The following ABCC1 variants were observed in gnomAD, a reference collection of about 807,000 sequenced individuals.
ABCC1 encodes the protein multidrug resistance-associated protein 1.
In ABCC1, 83 loss-of-function variants were observed where a neutral mutation model predicts 172.9. The observed-to-expected ratio is 0.48, with a 90% CI of 0.40 to 0.58. ABCC1 has a LOEUF of 0.58. Among genes scored for constraint, ABCC1 ranks in the 20% least tolerant of loss-of-function variants. ABCC1 has a pLI of 0.00. For missense variants in ABCC1, 1,817 were observed against 2,002.7 expected, an observed-to-expected ratio of 0.91 and a Z score of 1.77; for synonymous variants, 937 against 825.2, an observed-to-expected ratio of 1.14 and a Z score of -2.32.
chr16:16,106,600 A>G (rs1481291511), intron 20 of ABCC1, 138 bp from the exon 21 acceptor site: 1 of 941,382 alleles, frequency 1.1e-6, no homozygotes, highest in African/African-American at 1.7e-5. Context: ...ATTCATATAT[A>G]TGTTTACATG....
chr16:16,045,836 G>T lies in ABCC1; in HGVS notation c.1041G>T (p.Lys347Asn), dbSNP rs1220337650. ...LMMFSGPQILKLLIKFVNDTK... is the reference protein window; with the variant it reads ...LMMFSGPQILNLLIKFVNDTK... The stretch of plus-strand genomic sequence containing the variant: ...AGGCCCTCTCTTTGCTCCTTTGCAG[G>T]TTGCTCATCAAGTTCGTGAATGACA... Residue 347 changes from lysine (K) to asparagine (N), a missense_variant and splice_region_variant, in exon 9 of 31, where the codon AAG becomes AAT. By Grantham distance (94) the Lys-to-Asn change is moderately conservative (BLOSUM62 0). Coordinates refer to ENST00000399410, the MANE Select transcript of ABCC1 (RefSeq NM_004996.4). 6.2e-7 allele frequency: 1 copy of T among 1,613,982 alleles called. No individual in the cohort carries two copies. Among genetic ancestry groups the T allele is most frequent in the South Asian group, 1.1e-5 (1 of 91,010 alleles).
intron 1 of ABCC1, among the ~76,000 whole-genome samples, chr16:16,002,823 A>G (rs1300464298): frequency 1.3e-5 from 2 of 152,054 alleles, no homozygotes; most frequent in African/African-American, 4.8e-5. Flanking sequence ...AAAAAAAAGC[A>G]AGGTATAGAA....
chr16:16,019,885 G>A (rs2048135437), intron 5 of ABCC1, among the ~76,000 whole-genome samples: 1 of 152,032 alleles, frequency 6.6e-6, no homozygotes, highest in Non-Finnish European at 1.5e-5. Context: ...CCCCCAGCTC[G>A]GCTCCTCCTG....
Position 16,007,973 on chromosome 16 carries a change from C to T in ABCC1, c.206C>T (p.Pro69Leu), listed in dbSNP as rs1402972459. The T allele has an allele frequency of 2.5e-6, 4 of 1,590,498 alleles. No individual in the cohort carries two copies. Among genetic ancestry groups the T allele is most frequent in the Non-Finnish European group, 3.4e-6 (4 of 1,169,662 alleles). ...RHDRGYIQMT[P>L]LNKTKTALGF... The stretch of plus-strand genomic sequence containing the variant: ...GACCGAGGCTACATTCAGATGACAC[C>T]TCTCAACAAAACCAAAACTGTAAGT... The change falls in exon 2 of 31, where the codon CCT (proline) becomes CTT (leucine). Residue 69 changes from proline to leucine, a missense_variant. By Grantham distance (98) the Pro-to-Leu change is moderately conservative. Coordinates refer to ENST00000399410, the MANE Select transcript of ABCC1 (RefSeq NM_004996.4).
Position 16,117,536 on chromosome 16 carries a change from A to C in ABCC1, c.3390+2460A>C, listed in dbSNP as rs1181018780. ...ACATCTAATTGTCCAGAACTTAGTCATGGGACCACCTCTATTCACAAGGGA... is the reference window on the plus strand; with the variant it reads ...ACATCTAATTGTCCAGAACTTAGTCCTGGGACCACCTCTATTCACAAGGGA... On this transcript the variant is annotated intron_variant, in intron 23 of 30. Transcript: ENST00000399410. Among the ~76,000 whole-genome samples, 4 of 152,316 alleles carry C rather than the reference A, an allele frequency of 2.6e-5. No homozygotes were observed. The East Asian group carries it at 5.8e-4, about 22-fold the overall frequency.
Position 16,014,779 on chromosome 16 carries a change from C to T in ABCC1, c.489+151C>T, listed in dbSNP as rs964002841. ...AGCTTCTCCCTTGGTGACTTTCCTACCCCACCAAATCCTCACTAAATCAGC... is the reference window on the plus strand; with the variant it reads ...AGCTTCTCCCTTGGTGACTTTCCTATCCCACCAAATCCTCACTAAATCAGC... On this transcript the variant is annotated intron_variant, in intron 4 of 30. Transcript: ENST00000399410. 5.6e-6 allele frequency: 5 copies of T among 889,846 alleles called. No individual in the cohort carries two copies. The Admixed American group carries it at 1.4e-4, about 24-fold the overall frequency. The allele number at this position is 889,846 out of a possible 1,614,324, so 55.1% of individuals were successfully genotyped here. A position where few individuals can be genotyped will look rare whatever the true frequency, so the allele number is the denominator to read the frequency against.
intron 16 of ABCC1, among the ~76,000 whole-genome samples, chr16:16,082,555 T>G (rs1288571059): frequency 5.3e-5 from 3 of 57,096 alleles, no homozygotes; most frequent in Non-Finnish European, 1.3e-4. Context: ...AATAAGCCTT[T>G]GAAATGGATG....
chr16:16,126,106 T>G (rs1221990804), intron 26 of ABCC1, among the ~76,000 whole-genome samples, 195 bp downstream of exon 26: 1 of 152,198 alleles, frequency 6.6e-6, no homozygotes, highest in Non-Finnish European at 1.5e-5. Context: ...GTTTACCGGC[T>G]TTACCCAAGA....
At chr16:16,103,256 C>T (rs1463154311) in intron 20 of ABCC1, among the ~76,000 whole-genome samples, 2 of 152,032 alleles carry the variant, frequency 1.3e-5, no homozygotes, top group Non-Finnish European at 2.9e-5. Context: ...ATAGCGTATG[C>T]AGTATATTAA....
chr16:16,052,663 T>C, intron 10 of ABCC1, 61 bp from the exon 11 acceptor site: 2 of 1,537,346 alleles, frequency 1.3e-6, no homozygotes, highest in South Asian at 1.1e-5. Flanking sequence ...CCGGGGAAGC[T>C]GTTACGGGCC....
chr16:15,961,990 T>A (rs993765160), intron 1 of ABCC1, among the ~76,000 whole-genome samples: 2 of 152,206 alleles, frequency 1.3e-5, no homozygotes, highest in Admixed American at 6.5e-5. Flanking sequence ...GTTGACAGTA[T>A]GTGCATTTTG....
At chr16:16,121,147 T>TA (rs542942751) in intron 23 of ABCC1, among the ~76,000 whole-genome samples, 17 of 152,220 alleles carry the variant, frequency 1.1e-4, no homozygotes, top group Non-Finnish European at 2.4e-4. Context: ...CTGTAACTCT[T>TA]ACATGTCACC....
chr16:16,069,691 T>C (rs2050258776), intron 13 of ABCC1, among the ~76,000 whole-genome samples: 2 of 151,252 alleles, frequency 1.3e-5, no homozygotes, highest in South Asian at 4.2e-4. Context: ...AGAAGTAGAA[T>C]AGCTTAAAGT....
chr16:15,951,439 A>C (rs1189694136), intron 1 of ABCC1, among the ~76,000 whole-genome samples: 1 of 151,462 alleles, frequency 6.6e-6, no homozygotes, highest in African/African-American at 2.4e-5. Context: ...TTCGTTAAGG[A>C]CTTTCTGCCA....
At chr16:16,098,765 C>T (rs2051593608) in intron 19 of ABCC1, 1 of 1,040,542 alleles carries the variant, frequency 9.6e-7, no homozygotes, top group African/African-American at 1.6e-5. Context: ...ATTCTTGCCT[C>T]TCCCCCTTTA....
chr16:15,964,426 C>T (rs1287236864), intron 1 of ABCC1, among the ~76,000 whole-genome samples: 4 of 152,094 alleles, frequency 2.6e-5, no homozygotes, highest in African/African-American at 9.7e-5. Context: ...ATGGGGGAAC[C>T]GTCCCCATGA....
intron 1 of ABCC1, among the ~76,000 whole-genome samples, chr16:15,997,916 C>A (rs552210772): frequency 6.8e-6 from 1 of 146,288 alleles, no homozygotes; most frequent in Admixed American, 7.1e-5. Context: ...TGGGTTTAAG[C>A]GATTCTTGTG....
chr16:16,111,350 C>G (rs1200445214), intron 21 of ABCC1, 25 bp from the exon 22 acceptor site: 15 of 1,609,044 alleles, frequency 9.3e-6, no homozygotes, highest in Admixed American at 1.7e-5. Flanking sequence ...ATGTGCTAAG[C>G]TGCCTTATCT....
chr16:16,053,774 CAAAAAAAAAAAAAAAAAAAA>C (rs10526186), intron 11 of ABCC1, among the ~76,000 whole-genome samples: 27 of 36,220 alleles, frequency 7.5e-4, no homozygotes, highest in South Asian at 3.3e-3. Context: ...GACCCTGTCT[CAAAAAAAAAAAAAAAAAAAA>C]AAAAAAAAAA....
Sources: gnomAD v4.1 joint callset for allele counts (sites outside exome capture counted in the v4.1 genomes callset) on GRCh38, gnomAD v4.1.1 for gene constraint, MANE v1.5 for transcripts, NCBI Gene and HGNC (gene_info 2026-07-23, HGNC 2026-07-21) for gene names.